Variants in ZBED4 observed in about 807,000 individuals in gnomAD.
ZBED4 encodes the protein zinc finger BED-type containing 4.
Under a neutral mutation model 15.5 loss-of-function variants are expected in ZBED4, and 4 were observed. The observed-to-expected ratio is 0.26, with a 90% CI of 0.13 to 0.59. The LOEUF (loss-of-function observed/expected upper bound fraction) is 0.59, where lower values mean the gene tolerates loss of function less well. Among genes scored for constraint, ZBED4 ranks in the 20% least tolerant of loss-of-function variants. The pLI is 0.90. For synonymous variants in ZBED4, 692 were observed against 608.5 expected (o/e 1.14, Z -2.02); for missense variants, 1,323 against 1,461.8 (o/e 0.91, Z 1.55).
At chr22:49,869,341 C>T (rs774941554) in intron 1 of ZBED4, among the ~76,000 whole-genome samples, 11 of 152,186 alleles carry the variant, frequency 7.2e-5, no homozygotes, top group Non-Finnish European at 1.2e-4. Context: ...CTGCCTACCT[C>T]GTACCCGCGT....
intron 1 of ZBED4, among the ~76,000 whole-genome samples, chr22:49,874,665 G>A: frequency 1.5e-5 from 1 of 65,132 alleles, no homozygotes; most frequent in South Asian, 5.2e-4. Context: ...GAACCACCAT[G>A]CCCAGCCTTT....
chr22:49,866,844 C>T (rs1192162976), intron 1 of ZBED4, among the ~76,000 whole-genome samples: 2 of 152,322 alleles, frequency 1.3e-5, no homozygotes, highest in East Asian at 3.9e-4. Context: ...TGAGATGGGT[C>T]TCACTGGGCT....
Position 49,884,759 on chromosome 22 carries a change from A to G in ZBED4, c.1097A>G (p.Glu366Gly). 1.3e-6 allele frequency: 2 copies of G among 1,596,820 alleles called. No homozygotes were observed. The highest frequency in any genetic ancestry group is 1.7e-6 in the Non-Finnish European group (2 of 1,168,334). Residue 366 changes from glutamate (E) to glycine (G), a missense_variant, in exon 2 of 2, where the codon GAG (glutamate) becomes GGG (glycine). Physicochemically the swap from Glu to Gly is moderately conservative, Grantham distance 98. This residue lies in a region of ZBED4 where 429 missense variants were observed against 397.9 expected (regional missense o/e 1.08). Transcript: ENST00000216268. ...PTLLPSLLPP[E>G]GELSSVSSSP... Reference sequence around the variant, plus strand: ...CTGCTGCCTTCCTTGCTGCCGCCGGAGGGGGAGCTCAGCTCTGTGTCCTCG... The same window carrying G: ...CTGCTGCCTTCCTTGCTGCCGCCGGGGGGGGAGCTCAGCTCTGTGTCCTCG...
In ZBED4 at chr22:49,884,934, G is replaced by A. The variant is rs370628347; in HGVS notation, c.1272G>A (p.Ser424=). ...FSSSDDIGEA[S]ASSPEKQQAD... is the part of the protein sequence containing the mutation. ...CTTCCGATGACATAGGGGAGGCCTC[G>A]GCGTCCTCTCCTGAGAAGCAGCAGG... is the stretch of plus-strand genomic sequence containing the variant. The change falls in exon 2 of 2, where the codon TCG becomes TCA. Residue 424 remains serine, a synonymous_variant. Coordinates refer to ENST00000216268, the MANE Select transcript of ZBED4 (RefSeq NM_014838.3). The A allele has an allele frequency of 5.5e-5, 88 of 1,607,414 alleles. No homozygotes were observed. The highest frequency in any genetic ancestry group is 6.9e-5 in the Non-Finnish European group (81 of 1,176,340).
chr22:49,877,682 A>T (rs2147532386), intron 1 of ZBED4, among the ~76,000 whole-genome samples: 1 of 152,310 alleles, frequency 6.6e-6, no homozygotes, highest in South Asian at 2.1e-4. Flanking sequence ...ATATCCATAT[A>T]GTATGCCTAA....
chr22:49,877,267 T>TTATC (rs1189187405), intron 1 of ZBED4, among the ~76,000 whole-genome samples: 2 of 3,652 alleles, frequency 5.5e-4, no homozygotes, highest in Non-Finnish European at 2.0e-3. Flanking sequence ...TATTATTTAT[T>TTATC]TATTTATTTA....
chr22:49,876,590 C>T (rs765959213), intron 1 of ZBED4, among the ~76,000 whole-genome samples: 1 of 152,084 alleles, frequency 6.6e-6, no homozygotes, highest in Non-Finnish European at 1.5e-5. Flanking sequence ...AGCTTTCTCT[C>T]GGTTTGTATT....
chr22:49,875,840 A>AAATT (rs2060373695), intron 1 of ZBED4, among the ~76,000 whole-genome samples: 1 of 152,108 alleles, frequency 6.6e-6, no homozygotes, highest in Non-Finnish European at 1.5e-5. Flanking sequence ...TGGTAGTGGT[A>AAATT]AATTCTGTCT....
chr22:49,882,898 C>T (rs1268627356), intron 1 of ZBED4, among the ~76,000 whole-genome samples: 2 of 152,192 alleles, frequency 1.3e-5, no homozygotes. Context: ...TGATTTCACA[C>T]GTTAGCTAGA....
intron 1 of ZBED4, among the ~76,000 whole-genome samples, chr22:49,880,409 G>A (rs558381183): frequency 8.7e-4 from 133 of 152,312 alleles, no homozygotes; most frequent in African/African-American, 3.0e-3. Context: ...CCGCGCTCGG[G>A]ACATGCTCGA....
chr22:49,875,315 G>C (rs902110509), intron 1 of ZBED4, among the ~76,000 whole-genome samples: 2 of 151,332 alleles, frequency 1.3e-5, no homozygotes, highest in Non-Finnish European at 2.9e-5. Flanking sequence ...TCAACTATAA[G>C]TTCAATTTGT....
At chr22:49,868,174 T>A (rs1569159146) in intron 1 of ZBED4, among the ~76,000 whole-genome samples, 1 of 152,270 alleles carries the variant, frequency 6.6e-6, no homozygotes, top group Admixed American at 6.5e-5. Context: ...AGTCTTCTTT[T>A]TTGTTGTTGT....
At chr22:49,855,075 G>A (rs1009822490) in intron 1 of ZBED4, among the ~76,000 whole-genome samples, 1 of 152,164 alleles carries the variant, frequency 6.6e-6, no homozygotes, top group South Asian at 2.1e-4. Flanking sequence ...CTTTGCAAGA[G>A]GAAAGTTTAC....
intron 1 of ZBED4, among the ~76,000 whole-genome samples, chr22:49,878,254 A>G (rs1489686128): frequency 6.7e-6 from 1 of 148,970 alleles, no homozygotes; most frequent in African/African-American, 2.4e-5. Flanking sequence ...ACAGTGAGCC[A>G]ACGCACCACT....
At chr22:49,881,762 G>A (rs1266512559) in intron 1 of ZBED4, among the ~76,000 whole-genome samples, 1 of 152,048 alleles carries the variant, frequency 6.6e-6, no homozygotes, top group Non-Finnish European at 1.5e-5. Context: ...CAAACTTGTG[G>A]TTTCAAGCGA....
rs2060430063 is a variant in ZBED4, at chr22:49,885,024, G to A, written c.1362G>A (p.Met454Ile). The A allele has an allele frequency of 6.2e-7, 1 of 1,612,936 alleles. No homozygotes were observed. Among genetic ancestry groups the A allele is most frequent in the Non-Finnish European group, 8.5e-7 (1 of 1,179,364 alleles). Residue 454 changes from methionine (M) to isoleucine (I), a missense_variant, in exon 2 of 2, where the codon ATG becomes ATA. By Grantham distance (10) the Met-to-Ile change is conservative. This residue lies in a region of ZBED4 where 429 missense variants were observed against 397.9 expected (regional missense o/e 1.08). Coordinates refer to ENST00000216268, the MANE Select transcript of ZBED4 (RefSeq NM_014838.3). ...TCTTCCAGCAGAATAAAAAGGTCAT[G>A]AAAAGACTGAAGTCGGAGGTCTGGC... Reference protein sequence around the residue: ...GAIFQQNKKVMKRLKSEVWHH... With the variant: ...GAIFQQNKKVIKRLKSEVWHH...
rs1047285601 is a variant in ZBED4 at position 49,889,603 on chromosome 22, T to A, written c.*2425T>A. ...TTTACTCAACAGAAAATATGGCCCT[T>A]CCTGAATGACACTAGGAGAGTCATT... On this transcript the variant is annotated 3_prime_UTR_variant, in exon 2 of 2. Transcript: ENST00000216268. 1 of 167,212 alleles carries A rather than the reference T, an allele frequency of 6.0e-6. No individual in the cohort carries two copies. Among genetic ancestry groups the A allele is most frequent in the Non-Finnish European group, 1.5e-5 (1 of 68,112 alleles). The allele number at this position is 167,212 out of a possible 1,614,324, so 10.4% of individuals were successfully genotyped here. A position where few individuals can be genotyped will look rare whatever the true frequency, so the allele number is the denominator to read the frequency against.
At chr22:49,859,089 A>C (rs1050497840) in intron 1 of ZBED4, among the ~76,000 whole-genome samples, 1 of 152,164 alleles carries the variant, frequency 6.6e-6, no homozygotes, top group African/African-American at 2.4e-5. Flanking sequence ...TGCTCCCATC[A>C]GACCTCCACA....
rs1302995813 is a variant in ZBED4, at chr22:49,885,765, C to T, written c.2103C>T (p.Ser701=). ...CCCTCCCCGCCCCTTCCTACTTCTC[C>T]AGGACAGCTATCCCAGGTATGTATG... ...QYSLPAPSYF[S]RTAIPGMYDN... is the part of the protein sequence containing the mutation. The change falls in exon 2 of 2, where the codon TCC becomes TCT. Residue 701 remains serine (S), a synonymous_variant. Coordinates refer to ENST00000216268, the MANE Select transcript of ZBED4 (RefSeq NM_014838.3). 4 of 1,605,386 alleles carry T rather than the reference C, an allele frequency of 2.5e-6. No homozygotes were observed. The highest frequency in any genetic ancestry group is 8.5e-7 in the Non-Finnish European group (1 of 1,174,364).
Sources: gnomAD v4.1 joint callset for allele counts (sites outside exome capture counted in the v4.1 genomes callset) on GRCh38, gnomAD v4.1.1 for gene constraint, gnomAD v4.1.1 regional missense constraint, MANE v1.5 for transcripts, NCBI Gene and HGNC (gene_info 2026-07-23, HGNC 2026-07-21) for gene names.